Variants in REPS2 observed in about 807,000 individuals in gnomAD.
REPS2 encodes RALBP1 associated Eps domain containing 2.
In REPS2, 23 loss-of-function variants were observed where a neutral mutation model predicts 53.6. The ratio of observed to expected loss-of-function variants is 0.43; its 90% CI spans 0.31 to 0.61. The LOEUF (loss-of-function observed/expected upper bound fraction) is 0.61, where lower values mean the gene tolerates loss of function less well. REPS2 is among the 20% of genes least tolerant of loss of function. The pLI, the probability that REPS2 is intolerant of heterozygous loss-of-function variation, is 0.11. For missense variants in REPS2, 446 were observed against 534.9 expected (o/e 0.83, Z 1.64); for synonymous variants, 238 against 218.6 (o/e 1.09, Z -0.78).
chrX:17,069,910 C>G, intron 10 of REPS2, 30 bp from the exon 11 acceptor site: 1 of 980,532 alleles, frequency 1.0e-6, no homozygotes, highest in Non-Finnish European at 1.4e-6. Context: ...TTTTCTCTTT[C>G]TTTTTGCTTA....
intron 1 of REPS2, among the ~76,000 whole-genome samples, chrX:17,001,479 A>G (rs2061306667): frequency 8.9e-6 from 1 of 112,485 alleles, no homozygotes; most frequent in South Asian, 3.7e-4. Context: ...TCTGAGGACA[A>G]CTGGCCTGGA....
chrX:17,144,646 G>T (rs1407313242), intron 17 of REPS2, among the ~76,000 whole-genome samples: 2 of 112,105 alleles, frequency 1.8e-5, no homozygotes, highest in African/African-American at 6.5e-5. Context: ...CCAGTTTATA[G>T]ATCCAGAACC....
At chrX:17,104,955 G>A (rs2062854075) in intron 14 of REPS2, among the ~76,000 whole-genome samples, 1 of 111,364 alleles carries the variant, frequency 9.0e-6, no homozygotes, top group East Asian at 2.8e-4. Flanking sequence ...ATCAGGCATT[G>A]TGCTAAGTGC....
chrX:17,151,965 G>T lies in REPS2; in HGVS notation c.*4484G>T, dbSNP rs2063573305. 9.1e-6 allele frequency: 1 copy of T among 109,332 alleles called. No individual in the cohort carries two copies. Among genetic ancestry groups the T allele is most frequent in the Non-Finnish European group, 1.9e-5 (1 of 52,530 alleles). The allele number at this position is 109,332 out of a possible 1,213,427, so 9.0% of individuals were successfully genotyped here. On this transcript the variant is annotated 3_prime_UTR_variant, in exon 18 of 18. Coordinates refer to ENST00000357277, the MANE Select transcript of REPS2 (RefSeq NM_004726.3). ...TTGGAGTCCTCAGCTCACATGTCTT[G>T]TTCCTCCTTCAGCACAAGCTAGGGG...
chrX:17,181,549 G>A, the REPS2 span, among the ~76,000 whole-genome samples: 3 of 112,064 alleles, frequency 2.7e-5, no homozygotes, highest in Non-Finnish European at 5.6e-5. Context: ...CAGCTGACTG[G>A]TGATGCACAG....
At chrX:16,982,551 A>G (rs1469324724) in intron 1 of REPS2, among the ~76,000 whole-genome samples, 1 of 111,903 alleles carries the variant, frequency 8.9e-6, no homozygotes. Context: ...AATTTTGTCA[A>G]GTTACCTGTG....
At chrX:17,158,973 C>T in the REPS2 span, among the ~76,000 whole-genome samples, 36 of 112,157 alleles carry the variant, frequency 3.2e-4, no homozygotes, top group Non-Finnish European at 5.1e-4. Context: ...AAGAATTTTC[C>T]CTTAGATGGC....
At chrX:17,022,095 A>G (rs1166776557) in intron 2 of REPS2, 28 bp from the exon 3 acceptor site, 25 of 1,185,024 alleles carry the variant, frequency 2.1e-5, no homozygotes, top group Non-Finnish European at 2.7e-5. Context: ...AAGTCTGACT[A>G]GAGCTTCTCT....
chrX:17,063,657 AT>A (rs1278651526), intron 9 of REPS2, among the ~76,000 whole-genome samples: 5 of 109,727 alleles, frequency 4.6e-5, no homozygotes, highest in African/African-American at 6.6e-5. Context: ...TTTGGTTAAA[AT>A]TTTTTTTTTC....
At chrX:17,178,505 G>A in the REPS2 span, among the ~76,000 whole-genome samples, 1 of 112,629 alleles carries the variant, frequency 8.9e-6, no homozygotes, top group Non-Finnish European at 1.9e-5. Context: ...TGCAGTGCTA[G>A]ACTGACATCT....
chrX:16,968,501 C>T (rs1201602647), intron 1 of REPS2, among the ~76,000 whole-genome samples: 127 of 94,246 alleles, frequency 1.3e-3, no homozygotes, highest in East Asian at 4.0e-3. Context: ...CCGGACGGGG[C>T]GGCTGGCCGG....
chrX:17,054,591 AT>A (rs1569151149), intron 7 of REPS2, among the ~76,000 whole-genome samples: 1 of 111,889 alleles, frequency 8.9e-6, no homozygotes. Context: ...AAGAATTTAA[AT>A]TTTTATTTAT....
Position 17,147,739 on chromosome X carries a change from G to A in REPS2, c.*258G>A. Reference sequence around the variant, plus strand: ...TCCTATTCTTAAGTACTTCTGCAAGGTATTAGATGCTGCTCCTTACCAAAA... The same window carrying A: ...TCCTATTCTTAAGTACTTCTGCAAGATATTAGATGCTGCTCCTTACCAAAA... On this transcript the variant is annotated 3_prime_UTR_variant, in exon 18 of 18. Transcript: ENST00000357277. The A allele has an allele frequency of 3.9e-6, 1 of 259,513 alleles. No homozygotes were observed. The allele number at this position is 259,513 out of a possible 1,213,427, so 21.4% of individuals were successfully genotyped here.
At chrX:16,987,723 A>T (rs1297260300) in intron 1 of REPS2, among the ~76,000 whole-genome samples, 1 of 112,564 alleles carries the variant, frequency 8.9e-6, no homozygotes, top group Non-Finnish European at 1.9e-5. Context: ...GATTGTGTGT[A>T]CCCATGTTCC....
intron 2 of REPS2, among the ~76,000 whole-genome samples, chrX:17,018,838 A>G (rs2061534563): frequency 9.1e-6 from 1 of 110,163 alleles, no homozygotes; most frequent in Non-Finnish European, 1.9e-5. Flanking sequence ...TTTGAGTGAC[A>G]GGGTTTCACT....
chrX:17,047,132 CCTGTTAACTTTGAAGAATACAAAAAATA>C (rs2061918520), intron 5 of REPS2, among the ~76,000 whole-genome samples, 187 bp from the exon 6 acceptor site: 1 of 111,665 alleles, frequency 9.0e-6, no homozygotes, highest in Admixed American at 9.5e-5. Context: ...ATGCCTCAGT[CCTGTTAACTTTGAAGAATACAAAAAATA>C]CATAAAGCAT....
At chrX:17,162,988 C>T in the REPS2 span, among the ~76,000 whole-genome samples, 1 of 111,829 alleles carries the variant, frequency 8.9e-6, no homozygotes, top group African/African-American at 3.2e-5. Flanking sequence ...AAATATGCCC[C>T]AAATATGGGA....
chrX:17,142,331 A>C (rs190662733), intron 17 of REPS2, among the ~76,000 whole-genome samples: 207 of 111,797 alleles, frequency 1.9e-3, no homozygotes, highest in Non-Finnish European at 3.2e-3. Context: ...TCTATAACAG[A>C]GAAAAACTAA....
At chrX:17,067,483 T>C (rs1455339706) in intron 9 of REPS2, among the ~76,000 whole-genome samples, 1 of 112,178 alleles carries the variant, frequency 8.9e-6, no homozygotes, top group Non-Finnish European at 1.9e-5. Context: ...TGTTATTAAC[T>C]ATAGTTAGAA....
Sources: allele counts gnomAD v4.1 joint callset (sites outside exome capture counted in the v4.1 genomes callset), GRCh38; gene constraint gnomAD v4.1.1; transcripts MANE v1.5; gene names NCBI Gene and HGNC (gene_info 2026-07-23, HGNC 2026-07-21).